The following NDUFA12 variants were observed in gnomAD, a reference collection of about 807,000 sequenced individuals.
NDUFA12 encodes NADH:ubiquinone oxidoreductase subunit A12, also known as NADH dehydrogenase [ubiquinone] 1 alpha subcomplex subunit 12.
In NDUFA12, 17 loss-of-function variants were observed where a neutral mutation model predicts 20.3. That is an observed-to-expected ratio of 0.84 (90% CI 0.57 to 1.26). NDUFA12 has a LOEUF of 1.26. Among genes scored for constraint, NDUFA12 ranks in the 50% most tolerant of loss-of-function variants. NDUFA12 has a pLI of 0.00. For synonymous variants in NDUFA12, 72 were observed against 63.6 expected, an observed-to-expected ratio of 1.13 and a Z score of -0.63; for missense variants, 191 against 183.7, an observed-to-expected ratio of 1.04 and a Z score of -0.23.
At position 95,002,821 on chromosome 12, in the gene NDUFA12, C is replaced by T. The variant is rs1433464046; in HGVS notation, c.87G>A (p.Arg29=). The change falls in exon 2 of 4, where the codon AGG becomes AGA. Residue 29 remains arginine (R), a splice_region_variant and synonymous_variant. Transcript: ENST00000327772. The part of the protein sequence containing the change: ...GLRGYLRVFF[R]TNDAKVGTLV... ...ATGTACCAACCTTCGCATCATTTGT[C>T]CTGTGAATACCCAAAAGAAAACAGA... 1 of 1,610,060 alleles carries T rather than the reference C, an allele frequency of 6.2e-7. No individual in the cohort carries two copies. The highest frequency in any genetic ancestry group is 8.5e-7 in the Non-Finnish European group (1 of 1,176,364).
chr12:94,983,658 G>T (rs1194148576), intron 3 of NDUFA12, among the ~76,000 whole-genome samples: 2 of 152,118 alleles, frequency 1.3e-5, no homozygotes, highest in African/African-American at 4.8e-5. Flanking sequence ...CTAAGTTTAG[G>T]ATAACTTGTT....
At chr12:94,982,684 C>T (rs1227781122) in intron 3 of NDUFA12, among the ~76,000 whole-genome samples, 1 of 152,084 alleles carries the variant, frequency 6.6e-6, no homozygotes, top group African/African-American at 2.4e-5. Flanking sequence ...TCCACCAGAG[C>T]CAACGTCTCT....
chr12:94,971,541 G>C lies in NDUFA12; in HGVS notation c.337C>G (p.His113Asp). 6.2e-7 allele frequency: 1 copy of C among 1,614,156 alleles called. No homozygotes were observed. The highest frequency in any genetic ancestry group is 8.5e-7 in the Non-Finnish European group (1 of 1,180,020). Reference sequence around the variant, plus strand: ...GGGGTGCCAGTCACGTTGAATTTATGGTTCGTCCAAATGAATTTACGAGCA... The same window carrying C: ...GGGGTGCCAGTCACGTTGAATTTATCGTTCGTCCAAATGAATTTACGAGCA... ...LTARKFIWTN[H>D]KFNVTGTPEQ... Residue 113 changes from histidine to aspartate, a missense_variant, in exon 4 of 4, where the codon CAT (histidine) becomes GAT (aspartate). His to Asp is a moderately conservative substitution (Grantham distance 81). Coordinates refer to ENST00000327772, the MANE Select transcript of NDUFA12 (RefSeq NM_018838.5).
intron 3 of NDUFA12, among the ~76,000 whole-genome samples, chr12:94,972,142 G>C (rs1873910786): frequency 6.6e-6 from 1 of 152,052 alleles, no homozygotes; most frequent in African/African-American, 2.4e-5. Context: ...TGCCCAGGCT[G>C]ATCTCAAACT....
chr12:94,997,515 C>A (rs572018028), intron 2 of NDUFA12: 3 of 152,146 alleles, frequency 2.0e-5, no homozygotes, highest in Non-Finnish European at 4.4e-5. Context: ...TGATACTTTT[C>A]ATCTCAATCA....
intron 3 of NDUFA12, among the ~76,000 whole-genome samples, chr12:94,974,837 C>T (rs1322662832): frequency 6.6e-6 from 1 of 151,728 alleles, no homozygotes; most frequent in Non-Finnish European, 1.5e-5. Context: ...AGAATGATTA[C>T]CAGAGGCTGG....
At chr12:94,991,654 G>A (rs1874648875) in intron 3 of NDUFA12, among the ~76,000 whole-genome samples, 1 of 151,092 alleles carries the variant, frequency 6.6e-6, no homozygotes, top group African/African-American at 2.4e-5. Flanking sequence ...TTGAACCTGG[G>A]AGGCGGAAGT....
At position 95,002,745 on chromosome 12, in the gene NDUFA12, A is replaced by G. The variant is rs1875101567; in HGVS notation, c.163T>C (p.Phe55Leu). The stretch of plus-strand genomic sequence containing the variant: ...TAAAAAATACTGCACTCACCAAAAA[A>G]TTGCTTGTTGTCTTCATAGTATTTG... ...GNKYYEDNKQ[F>L]FGRHRWVVYT... Residue 55 changes from phenylalanine to leucine, a missense_variant, in exon 2 of 4, where the codon TTT becomes CTT. Coordinates refer to ENST00000327772, the MANE Select transcript of NDUFA12 (RefSeq NM_018838.5). 6.2e-7 allele frequency: 1 copy of G among 1,613,282 alleles called. No individual in the cohort carries two copies. Among genetic ancestry groups the G allele is most frequent in the Non-Finnish European group, 8.5e-7 (1 of 1,179,374 alleles).
intron 2 of NDUFA12, chr12:94,997,196 C>T (rs1000559882): frequency 1.3e-4 from 19 of 148,232 alleles, no homozygotes; most frequent in Admixed American, 1.2e-3. Context: ...CACACACACA[C>T]GCACACACAC....
intron 1 of NDUFA12, 57 bp from the exon 2 acceptor site, chr12:95,002,878 A>C: frequency 6.8e-7 from 1 of 1,471,214 alleles, no homozygotes; most frequent in South Asian, 1.1e-5. Context: ...TCAAAACATA[A>C]ACGGAAATAA....
chr12:95,000,924 T>C (rs2136073725), intron 2 of NDUFA12, among the ~76,000 whole-genome samples: 1 of 152,364 alleles, frequency 6.6e-6, no homozygotes, highest in Non-Finnish European at 1.5e-5. Flanking sequence ...TGTGCACATG[T>C]ACCCTAGAAC....
intron 3 of NDUFA12, among the ~76,000 whole-genome samples, chr12:94,988,758 T>C (rs1342011496): frequency 6.6e-6 from 1 of 152,124 alleles, no homozygotes; most frequent in East Asian, 1.9e-4. Context: ...CAGGAGACTA[T>C]AAAACCCCTG....
intron 3 of NDUFA12, among the ~76,000 whole-genome samples, chr12:94,974,884 G>A (rs1048034716): frequency 6.6e-6 from 1 of 151,828 alleles, no homozygotes; most frequent in African/African-American, 2.4e-5. Flanking sequence ...TTAGGGGGAG[G>A]TGGGGATGGT....
At chr12:94,984,204 GAC>G (rs1453573493) in intron 3 of NDUFA12, among the ~76,000 whole-genome samples, 3 of 152,148 alleles carry the variant, frequency 2.0e-5, no homozygotes, top group Non-Finnish European at 4.4e-5. Context: ...TACTGGTGGG[GAC>G]ACACAATCAT....
At chr12:94,990,896 G>GA (rs933304584) in intron 3 of NDUFA12, among the ~76,000 whole-genome samples, 1 of 152,140 alleles carries the variant, frequency 6.6e-6, no homozygotes, top group African/African-American at 2.4e-5. Flanking sequence ...CACAGTATTT[G>GA]AAAAACAAAC....
chr12:95,003,494 C>G, intron 1 of NDUFA12, 101 bp downstream of exon 1: 1 of 1,249,710 alleles, frequency 8.0e-7, no homozygotes, highest in South Asian at 1.2e-5. Flanking sequence ...TTGACAAGAG[C>G]TGTGGATTCT....
At chr12:94,989,097 G>A (rs1010147781) in intron 3 of NDUFA12, among the ~76,000 whole-genome samples, 3 of 152,130 alleles carry the variant, frequency 2.0e-5, no homozygotes, top group South Asian at 2.1e-4. Flanking sequence ...CTTTCTCCCC[G>A]CTTCTACGTC....
chr12:95,000,956 AAACT>A (rs1404957052), intron 2 of NDUFA12, among the ~76,000 whole-genome samples: 3 of 152,250 alleles, frequency 2.0e-5, no homozygotes, highest in Non-Finnish European at 4.4e-5. Context: ...AAACAACAAC[AAACT>A]ATTCTAAAAA....
chr12:94,990,505 C>G (rs990544306), intron 3 of NDUFA12, among the ~76,000 whole-genome samples: 13 of 152,194 alleles, frequency 8.5e-5, no homozygotes, highest in Admixed American at 8.5e-4. Context: ...TCCTTGCAAC[C>G]TCAAACCCCT....
Sources: gnomAD v4.1 joint callset for allele counts (sites outside exome capture counted in the v4.1 genomes callset) on GRCh38, gnomAD v4.1.1 for gene constraint, MANE v1.5 for transcripts, NCBI Gene and HGNC (gene_info 2026-07-23, HGNC 2026-07-21) for gene names.